The following GRIN2B variants were observed in gnomAD, a reference collection of about 807,000 sequenced individuals.
GRIN2B encodes glutamate ionotropic receptor NMDA type subunit 2B, also known as glutamate receptor ionotropic, NMDA 2B.
A neutral mutation model predicts 114.5 loss-of-function variants in GRIN2B; 5 were observed. The observed-to-expected ratio is 0.04, with a 90% confidence interval of 0.02 to 0.09. The LOEUF (loss-of-function observed/expected upper bound fraction) is 0.09, where lower values mean the gene tolerates loss of function less well. GRIN2B is among the 10% of genes least tolerant of loss of function. The probability of loss-of-function intolerance (pLI) is 1.00; values close to 1 mark genes in which losing one functional copy is unlikely to be tolerated. For synonymous variants in GRIN2B, 787 were observed against 745.1 expected, an observed-to-expected ratio of 1.06 and a Z score of -0.92; for missense variants, 1,108 against 1,943.5, an observed-to-expected ratio of 0.57 and a Z score of 8.08.
At chr12:13,920,257 T>G (rs1591621909) in intron 2 of GRIN2B, among the ~76,000 whole-genome samples, 1 of 146,984 alleles carries the variant, frequency 6.8e-6, no homozygotes, top group Admixed American at 6.8e-5. Context: ...AAAACGGGGA[T>G]TGGGAGAACT....
At position 13,980,938 on chromosome 12, in the gene GRIN2B, TCACACTCACCCCCGCG is replaced by T. The variant is rs533057295; in HGVS notation, c.-448+388_-448+403del. Among the ~76,000 whole-genome samples the T allele has an allele frequency of 8.8e-3, 1,336 of 151,806 alleles. 12 individuals are homozygous for T. The highest frequency in any genetic ancestry group is 0.029 in the African/African-American group (1,205 of 41,358). On this transcript the variant is annotated intron_variant, in intron 1 of 13. Transcript: ENST00000609686. ...CGACGCGCACGCGCCCCGCGCGCAC[TCACACTCACCCCCGCG>T]CACACTCACCCCCGCGCACACTCAC... is the stretch of plus-strand genomic sequence containing the variant.
At chr12:13,661,982 G>A (rs905801645) in intron 5 of GRIN2B, among the ~76,000 whole-genome samples, 1 of 152,092 alleles carries the variant, frequency 6.6e-6, no homozygotes, top group African/African-American at 2.4e-5. Flanking sequence ...CACATTCGAT[G>A]GTACAGGGTC....
rs1190898943 is a variant in GRIN2B at position 13,552,899 on chromosome 12, T to C, written c.*9884A>G. On this transcript the variant is annotated 3_prime_UTR_variant, in exon 14 of 14. Coordinates refer to ENST00000609686, the MANE Select transcript of GRIN2B (RefSeq NM_000834.5). ...TCAATGAAGAGTGGACTTTCTTCAC[T>C]TTTTTTTTAAAAAAAGAGACTTGTC... is the stretch of plus-strand genomic sequence containing the variant. The C allele has an allele frequency of 6.7e-6, 1 of 149,034 alleles. No homozygotes were observed. The highest frequency in any genetic ancestry group is 2.6e-5 in the African/African-American group (1 of 39,108). The allele number at this position is 149,034 out of a possible 1,614,324, so 9.2% of individuals were successfully genotyped here. A position where few individuals can be genotyped will look rare whatever the true frequency, so the allele number is the denominator to read the frequency against.
chr12:13,547,981 A>ATATATATTTTTTTTTTTTTTTTTTTT lies in GRIN2B; in HGVS notation c.*14801_*14802insAAAAAAAAAAAAAAAAAAAATATATA. The ATATATATTTTTTTTTTTTTTTTTTTT allele has an allele frequency of 1.5e-5, 1 of 68,594 alleles. No homozygotes were observed. Among genetic ancestry groups the ATATATATTTTTTTTTTTTTTTTTTTT allele is most frequent in the Non-Finnish European group, 2.9e-5 (1 of 34,400 alleles). The allele number at this position is 68,594 out of a possible 1,614,324, so 4.2% of individuals were successfully genotyped here. A position where few individuals can be genotyped will look rare whatever the true frequency, so the allele number is the denominator to read the frequency against. On this transcript the variant is annotated 3_prime_UTR_variant, in exon 14 of 14. Transcript: ENST00000609686. ...TGTGTATATATATATATATATATAT[A>ATATATATTTTTTTTTTTTTTTTTTTT]TTTTTTTTTTTTTTCTGAAAGCTAC...
chr12:13,803,303 C>T (rs1012572108), intron 3 of GRIN2B, among the ~76,000 whole-genome samples: 3 of 151,964 alleles, frequency 2.0e-5, no homozygotes, highest in Admixed American at 1.3e-4. Context: ...GGTTGGTTCC[C>T]CTAACCCCCA....
At position 13,563,613 on chromosome 12, in the gene GRIN2B, G is replaced by A. The variant is rs1488088518; in HGVS notation, c.3625C>T (p.Arg1209Trp). Reference sequence around the variant, plus strand: ...CTGCGGCAGAAGTTGCCCCCGGACCGGTCCTCCCACTCCACGTTGGTCAGG... The same window carrying A: ...CTGCGGCAGAAGTTGCCCCCGGACCAGTCCTCCCACTCCACGTTGGTCAGG... Reference protein sequence around the residue: ...KNLTNVEWEDRSGGNFCRSCP... With the variant: ...KNLTNVEWEDWSGGNFCRSCP... The change falls in exon 14 of 14, where the codon CGG (arginine) becomes TGG (tryptophan). Residue 1209 changes from arginine to tryptophan, a missense_variant. By Grantham distance (101) the Arg-to-Trp change is moderately radical. Coordinates refer to ENST00000609686, the MANE Select transcript of GRIN2B (RefSeq NM_000834.5). The A allele has an allele frequency of 7.4e-6, 12 of 1,613,948 alleles. No homozygotes were observed. Among genetic ancestry groups the A allele is most frequent in the Admixed American group, 1.7e-5 (1 of 60,022 alleles).
At chr12:13,678,046 G>A (rs766853696) in intron 4 of GRIN2B, among the ~76,000 whole-genome samples, 3 of 152,084 alleles carry the variant, frequency 2.0e-5, no homozygotes, top group Non-Finnish European at 2.9e-5. Context: ...TAAGAAAAAT[G>A]TTCAGAGTCC....
intron 3 of GRIN2B, among the ~76,000 whole-genome samples, chr12:13,817,861 G>A (rs1449647012): frequency 6.6e-6 from 1 of 152,168 alleles, no homozygotes; most frequent in Non-Finnish European, 1.5e-5. Flanking sequence ...GCTGAGTACT[G>A]TGAAATGGAA....
At chr12:13,656,833 T>C (rs530276114) in intron 5 of GRIN2B, among the ~76,000 whole-genome samples, 1 of 152,310 alleles carries the variant, frequency 6.6e-6, no homozygotes, top group Non-Finnish European at 1.5e-5. Flanking sequence ...TTGAACTAGA[T>C]GGACCATAAG....
chr12:13,569,321 G>A (rs1435719526), intron 12 of GRIN2B, among the ~76,000 whole-genome samples: 2 of 152,154 alleles, frequency 1.3e-5, no homozygotes, highest in Non-Finnish European at 1.5e-5. Flanking sequence ...ACATAATTAA[G>A]CTGAGATCAT....
chr12:13,746,648 T>TC (rs1214534811), intron 4 of GRIN2B, among the ~76,000 whole-genome samples: 2 of 152,054 alleles, frequency 1.3e-5, no homozygotes, highest in East Asian at 1.9e-4. Flanking sequence ...TGGATGTTTG[T>TC]CCCCCCCAAA....
intron 2 of GRIN2B, among the ~76,000 whole-genome samples, chr12:13,885,089 G>C (rs929688905): frequency 2.0e-5 from 3 of 152,124 alleles, no homozygotes; most frequent in African/African-American, 7.2e-5. Context: ...TAATAGATTT[G>C]AAACTGATGA....
At chr12:13,838,193 CAAG>C (rs1865312287) in intron 3 of GRIN2B, among the ~76,000 whole-genome samples, 1 of 152,058 alleles carries the variant, frequency 6.6e-6, no homozygotes, top group African/African-American at 2.4e-5. Flanking sequence ...GAAAGGAAAA[CAAG>C]AAGTGTTTAA....
At chr12:13,680,193 A>G (rs1950114766) in intron 4 of GRIN2B, among the ~76,000 whole-genome samples, 1 of 152,144 alleles carries the variant, frequency 6.6e-6, no homozygotes, top group South Asian at 2.1e-4. Context: ...AGACCTGAAA[A>G]TATCCAACTA....
intron 10 of GRIN2B, among the ~76,000 whole-genome samples, chr12:13,579,077 G>A (rs1249825876): frequency 6.6e-6 from 1 of 152,188 alleles, no homozygotes; most frequent in Non-Finnish European, 1.5e-5. Context: ...CTGGGGCTAA[G>A]ACTTAACCAT....
Position 13,833,695 on chromosome 12 carries a change from C to T in GRIN2B, c.411+32103G>A, listed in dbSNP as rs141358245. The stretch of plus-strand genomic sequence containing the variant: ...ATAGAAACAAACAACATCCTTGCAA[C>T]CGAAGGGGCTCAACAGCCCCCACTT... On this transcript the variant is annotated intron_variant, in intron 3 of 13. Coordinates refer to ENST00000609686, the MANE Select transcript of GRIN2B (RefSeq NM_000834.5). 2.4e-3 allele frequency among the ~76,000 whole-genome samples: 359 copies of T among 152,296 alleles called. 1 individual carries two copies. The highest frequency in any genetic ancestry group is 8.3e-3 in the African/African-American group (346 of 41,572).
chr12:13,968,574 G>A (rs1017157591), intron 2 of GRIN2B, among the ~76,000 whole-genome samples: 2 of 152,138 alleles, frequency 1.3e-5, no homozygotes, highest in African/African-American at 2.4e-5. Flanking sequence ...TTACTGAAAG[G>A]CCTTTTTAAA....
intron 3 of GRIN2B, among the ~76,000 whole-genome samples, chr12:13,825,496 T>TTGTGTG (rs55893904): frequency 0.1 from 12,822 of 122,734 alleles, 810 homozygotes; most frequent in Middle Eastern, 0.13. Context: ...TATATATATT[T>TTGTGTG]TGTGTGTGTG....
chr12:13,971,195 A>C (rs1862905989), intron 2 of GRIN2B, among the ~76,000 whole-genome samples: 1 of 152,176 alleles, frequency 6.6e-6, no homozygotes, highest in South Asian at 2.1e-4. Flanking sequence ...CAGCCCACCA[A>C]ACACCAGAGT....
Sources: allele counts gnomAD v4.1 joint callset (sites outside exome capture counted in the v4.1 genomes callset), GRCh38; gene constraint gnomAD v4.1.1; transcripts MANE v1.5; gene names NCBI Gene and HGNC (gene_info 2026-07-23, HGNC 2026-07-21).